SEPTIN4: variants seen among roughly 807,000 people sequenced by gnomAD.
SEPTIN4 encodes septin 4.
A neutral mutation model predicts 107.1 loss-of-function variants in SEPTIN4; 52 were observed. That is an observed-to-expected ratio of 0.49 (90% CI 0.39 to 0.61). The LOEUF is 0.61. SEPTIN4 is among the 20% of genes least tolerant of loss of function. The probability of loss-of-function intolerance (pLI) is 0.00; values close to 1 mark genes in which losing one functional copy is unlikely to be tolerated. For synonymous variants in SEPTIN4, 417 were observed against 467.0 expected, an observed-to-expected ratio of 0.89 and a Z score of 1.38; for missense variants, 1,048 against 1,243.5, an observed-to-expected ratio of 0.84 and a Z score of 2.36.
At chr17:58,532,959 C>T (rs777084285) in intron 3 of SEPTIN4, among the ~76,000 whole-genome samples, 1 of 152,160 alleles carries the variant, frequency 6.6e-6, no homozygotes, top group Non-Finnish European at 1.5e-5. Context: ...GTGGAAGTTT[C>T]CAGAAGCATG....
Position 58,537,779 on chromosome 17 carries a change from G to A in SEPTIN4, c.1614+2887C>T, listed in dbSNP as rs1457636299. ...CAGAAGGCAGAGGTTGCAGTGAGCC[G>A]AGATCGCGCCATTGCACTCCAGCCT... On this transcript the variant is annotated intron_variant, in intron 3 of 13. Coordinates refer to ENST00000672673, the MANE Select transcript of SEPTIN4 (RefSeq NM_001368771.2). Among the ~76,000 whole-genome samples the A allele has an allele frequency of 4.9e-5, 7 of 143,508 alleles. 1 individual carries two copies. The Middle Eastern group carries it at 0.015, about 301-fold the overall frequency. 94.1% of individuals were successfully genotyped at this position (143,508 alleles called of 152,430 possible).
At chr17:58,532,421 G>C (rs146117465) in intron 3 of SEPTIN4, 1 of 152,666 alleles carries the variant, frequency 6.6e-6, no homozygotes, top group Non-Finnish European at 1.5e-5. Context: ...TGCTGCATGA[G>C]TTGGAGAGAA....
chr17:58,526,612 A>G (rs1017691681), intron 4 of SEPTIN4, 70 bp downstream of exon 4: 3 of 1,501,656 alleles, frequency 2.0e-6, no homozygotes, highest in Non-Finnish European at 2.7e-6. Flanking sequence ...ACACACACAC[A>G]CTCTGCTCCC....
chr17:58,520,856 A>T lies in SEPTIN4; in HGVS notation c.2832-14T>A. 2 of 1,585,298 alleles carry T rather than the reference A, an allele frequency of 1.3e-6. No individual in the cohort carries two copies. The highest frequency in any genetic ancestry group is 8.6e-7 in the Non-Finnish European group (1 of 1,166,098). ...CGAGTCAGTTTGCTAAAGGGAGAAA[A>T]GGGTTGATAAGGCGAGGAGGACCCC... is the stretch of plus-strand genomic sequence containing the variant. On this transcript the variant is annotated splice_polypyrimidine_tract_variant and intron_variant, in intron 12 of 13. Transcript: ENST00000672673.
chr17:58,537,685 C>T (rs1392062249), intron 3 of SEPTIN4, among the ~76,000 whole-genome samples: 1 of 152,072 alleles, frequency 6.6e-6, no homozygotes, highest in Admixed American at 6.6e-5. Flanking sequence ...CAAAAACTAG[C>T]TGGGCGTGGT....
rs767322342 is a variant in SEPTIN4, at chr17:58,544,089, T to C, written c.98A>G (p.Tyr33Cys). 9 of 1,614,020 alleles carry C rather than the reference T, an allele frequency of 5.6e-6. No individual in the cohort carries two copies. The Admixed American group carries it at 1.2e-4, about 21-fold the overall frequency. The change falls in exon 1 of 14, where the codon TAC becomes TGC. Residue 33 changes from tyrosine to cysteine, a missense_variant. Physicochemically the swap from Tyr to Cys is radical, Grantham distance 194. Coordinates refer to ENST00000672673, the MANE Select transcript of SEPTIN4 (RefSeq NM_001368771.2). ...ACTTCGATGGCTTGAGGCAAGAACG[T>C]ACCCATGTCCCTGCTGAGGGGATGT... ...TNTSPQQGHG[Y>C]VLASSHRSAA...
intron 3 of SEPTIN4, chr17:58,527,251 G>A: frequency 1.5e-6 from 1 of 652,496 alleles, no homozygotes; most frequent in Admixed American, 2.3e-5. Context: ...CTGCTCTTGG[G>A]AACTAAGGAA....
In SEPTIN4 at chr17:58,543,072, T is replaced by C. The variant is rs1768749878; in HGVS notation, c.1115A>G (p.Tyr372Cys). Residue 372 changes from tyrosine to cysteine, a missense_variant, in exon 1 of 14, where the codon TAT (tyrosine) becomes TGT (cysteine). Physicochemically the swap from Tyr to Cys is radical, Grantham distance 194. Transcript: ENST00000672673. ...SSMFVTPEPI[Y>C]KQQTQKPPEI... ...TGGGGGTTTTTGGGTTTGCTGTTTA[T>C]AGATGGGCTCTGGAGTAACAAACAT... The C allele has an allele frequency of 6.2e-7, 1 of 1,612,600 alleles. No individual in the cohort carries two copies.
At chr17:58,528,162 C>G in intron 3 of SEPTIN4, 1 of 328,556 alleles carries the variant, frequency 3.0e-6, no homozygotes, top group Non-Finnish European at 4.4e-6. Context: ...GGGGACTACC[C>G]CAGACCACTG....
chr17:58,527,186 C>T (rs1296061406), intron 3 of SEPTIN4: 1 of 913,212 alleles, frequency 1.1e-6, no homozygotes, highest in Admixed American at 1.7e-5. Context: ...TCCAATATGC[C>T]AGGAAGGGTC....
chr17:58,543,221 C>T lies in SEPTIN4; in HGVS notation c.966G>A (p.Arg322=), dbSNP rs1274228606. The part of the protein sequence containing the change: ...LVSSQVESNV[R]TPIRGNSEVG... ...CCTCGCTGTTTCCTCGGATTGGGGTCCTCACGTTGGACTCCACCTGTGATG... is the reference window on the plus strand; with the variant it reads ...CCTCGCTGTTTCCTCGGATTGGGGTTCTCACGTTGGACTCCACCTGTGATG... The change falls in exon 1 of 14, where the codon AGG becomes AGA. Residue 322 remains arginine, a synonymous_variant. Coordinates refer to ENST00000672673, the MANE Select transcript of SEPTIN4 (RefSeq NM_001368771.2). 3.1e-6 allele frequency: 5 copies of T among 1,614,060 alleles called. No homozygotes were observed. The highest frequency in any genetic ancestry group is 4.2e-6 in the Non-Finnish European group (5 of 1,180,034).
intron 3 of SEPTIN4, among the ~76,000 whole-genome samples, chr17:58,535,942 G>A (rs1204186829): frequency 6.6e-6 from 1 of 152,126 alleles, no homozygotes; most frequent in Non-Finnish European, 1.5e-5. Context: ...CCCTTCACTT[G>A]CCCTTCATCC....
Position 58,543,839 on chromosome 17 carries a change from A to AGCAT in SEPTIN4, c.344_347dup (p.Ser117CysfsTer9). On this transcript the variant is annotated frameshift_variant, in exon 1 of 14. Coordinates refer to ENST00000672673, the MANE Select transcript of SEPTIN4 (RefSeq NM_001368771.2). LOFTEE classifies it high-confidence loss of function. ...GACTAACTTTCCATTGTCTGCTTGA[A>AGCAT]GCATGGGAAGCCAGTGTCTGAGTCT... 1 of 1,614,138 alleles carries AGCAT rather than the reference A, an allele frequency of 6.2e-7. No homozygotes were observed. The highest frequency in any genetic ancestry group is 8.5e-7 in the Non-Finnish European group (1 of 1,180,032).
Position 58,520,459 on chromosome 17 carries a change from G to C in SEPTIN4, c.2958C>G (p.His986Gln). ...TCTCCTTCATCTGTTTTTGTATTTT[G>C]TGTAGCATCTCCTGCATCCGCCGCA... The part of the protein sequence containing the change: ...EELRRMQEML[H>Q]KIQKQMKENY The change falls in exon 14 of 14, where the codon CAC becomes CAG. Residue 986 changes from histidine (H) to glutamine (Q), a missense_variant. His to Gln is a conservative substitution (Grantham distance 24, BLOSUM62 0). Transcript: ENST00000672673. The C allele has an allele frequency of 6.2e-7, 1 of 1,613,552 alleles. No homozygotes were observed. The highest frequency in any genetic ancestry group is 8.5e-7 in the Non-Finnish European group (1 of 1,180,026).
chr17:58,539,116 A>G, intron 3 of SEPTIN4: 1 of 1,530,116 alleles, frequency 6.5e-7, no homozygotes, highest in Non-Finnish European at 8.7e-7. Context: ...TCCTACCTCC[A>G]GAGAGTCAGA....
chr17:58,527,237 G>A lies in SEPTIN4; in HGVS notation c.1615-259C>T, dbSNP rs1156708019. 8.5e-6 allele frequency: 6 copies of A among 705,570 alleles called. No individual in the cohort carries two copies. The East Asian group carries it at 1.4e-4, about 16-fold the overall frequency. 43.7% of individuals were successfully genotyped at this position (705,570 alleles called of 1,614,324 possible). ...AGCCCTGGGCACCCCCAGAGCCCTG[G>A]CAACTGCTCTTGGGAACTAAGGAAC... On this transcript the variant is annotated intron_variant, in intron 3 of 13. Coordinates refer to ENST00000672673, the MANE Select transcript of SEPTIN4 (RefSeq NM_001368771.2).
At chr17:58,533,589 G>A (rs541880271) in intron 3 of SEPTIN4, among the ~76,000 whole-genome samples, 2 of 152,034 alleles carry the variant, frequency 1.3e-5, no homozygotes, top group East Asian at 3.9e-4. Flanking sequence ...TGTAGGATGG[G>A]GGCAGCAGCT....
intron 3 of SEPTIN4, chr17:58,528,141 GC>G (rs1478680778): frequency 1.6e-5 from 10 of 633,242 alleles, no homozygotes; most frequent in Non-Finnish European, 2.0e-5. Context: ...CTGAGGGTTA[GC>G]CAAGCCAGTG....
intron 3 of SEPTIN4, chr17:58,527,771 C>T: frequency 1.1e-6 from 1 of 917,958 alleles, no homozygotes; most frequent in Non-Finnish European, 1.3e-6. Context: ...GAGCTTCTGA[C>T]AGCCCCCAAC....
Sources: gnomAD v4.1 joint callset for allele counts (sites outside exome capture counted in the v4.1 genomes callset) on GRCh38, gnomAD v4.1.1 for gene constraint, MANE v1.5 for transcripts, NCBI Gene and HGNC (gene_info 2026-07-23, HGNC 2026-07-21) for gene names.